Variants in KAZN observed in about 807,000 individuals in gnomAD.
KAZN encodes the protein kazrin.
Under a neutral mutation model 87.4 loss-of-function variants are expected in KAZN, and 40 were observed. That is an observed-to-expected ratio of 0.46 (90% CI 0.36 to 0.60). The LOEUF is 0.60. Among genes scored for constraint, KAZN ranks in the 20% least tolerant of loss-of-function variants. KAZN has a pLI of 0.00. For synonymous variants in KAZN, 466 were observed against 458.3 expected (o/e 1.02, Z -0.22); for missense variants, 898 against 1,073.9 (o/e 0.84, Z 2.29).
At chr1:14,701,837 C>T (rs971716771) in intron 1 of KAZN, among the ~76,000 whole-genome samples, 2 of 152,132 alleles carry the variant, frequency 1.3e-5, no homozygotes, top group African/African-American at 4.8e-5. Flanking sequence ...GTGGCACCTG[C>T]CCTTCCCTGA....
At chr1:14,414,689 A>G (rs1229667256) in intron 2 of KAZN, among the ~76,000 whole-genome samples, 1 of 152,164 alleles carries the variant, frequency 6.6e-6, no homozygotes, top group Non-Finnish European at 1.5e-5. Context: ...GGGATGATAA[A>G]CATCAATCCC....
chr1:14,536,493 G>A lies in KAZN; in HGVS notation c.250-62490G>A, dbSNP rs534126766. 2.0e-5 allele frequency among the ~76,000 whole-genome samples: 3 copies of A among 152,314 alleles called. No individual in the cohort carries two copies. The South Asian group carries it at 6.2e-4, about 32-fold the overall frequency. ...ACTGGAGTCACAGGTGGTGGCTGTT[G>A]ACATTGGGATAGGCAGGTTGAGGAG... On this transcript the variant is annotated intron_variant, in intron 2 of 16. Coordinates refer to the KAZN transcript ENST00000636203.
intron 1 of KAZN, among the ~76,000 whole-genome samples, chr1:14,609,981 G>A (rs1038703176): frequency 1.3e-5 from 2 of 152,314 alleles, no homozygotes; most frequent in African/African-American, 2.4e-5. Flanking sequence ...GCTGGGCCAC[G>A]CCCTCTTGGG....
At chr1:14,654,504 T>C (rs7530236) in intron 1 of KAZN, among the ~76,000 whole-genome samples, 9,016 of 151,982 alleles carry the variant, frequency 0.059, 344 homozygotes, top group African/African-American at 0.086. Flanking sequence ...AGGAGTTTCA[T>C]GCAAAATAGC....
chr1:14,189,952 A>G (rs938442141), intron 2 of KAZN, among the ~76,000 whole-genome samples: 2 of 152,160 alleles, frequency 1.3e-5, no homozygotes, highest in Admixed American at 1.3e-4. Context: ...TAGTTGGTCT[A>G]TTTAGAGGGC....
chr1:14,282,483 A>G (rs1026683285), intron 2 of KAZN, among the ~76,000 whole-genome samples: 1 of 152,228 alleles, frequency 6.6e-6, no homozygotes, highest in African/African-American at 2.4e-5. Context: ...AAGGGTGTTA[A>G]CATGTATCCC....
At chr1:14,753,295 G>A (rs1390829891) in intron 1 of KAZN, among the ~76,000 whole-genome samples, 1 of 152,076 alleles carries the variant, frequency 6.6e-6, no homozygotes, top group African/African-American at 2.4e-5. Flanking sequence ...AAGTTCTTTA[G>A]TGAGCACCTC....
At chr1:14,766,994 G>A (rs1009526428) in intron 1 of KAZN, among the ~76,000 whole-genome samples, 21 of 152,112 alleles carry the variant, frequency 1.4e-4, no homozygotes, top group Non-Finnish European at 2.1e-4. Context: ...GGAGTGGGAC[G>A]AGATGGATGT....
Position 14,716,853 on chromosome 1 carries a change from T to G in KAZN, c.226+117630T>G, listed in dbSNP as rs542211279. 5.3e-5 allele frequency among the ~76,000 whole-genome samples: 8 copies of G among 152,098 alleles called. No homozygotes were observed. The South Asian group carries it at 1.5e-3, about 28-fold the overall frequency. On this transcript the variant is annotated intron_variant, in intron 1 of 14. Coordinates refer to ENST00000376030, the MANE Select transcript of KAZN (RefSeq NM_201628.3). ...TGGTTTTGTTAAATCCATTTACCAG[T>G]CAAAGTTTCTATGTCAGTGTTTGTC...
intron 2 of KAZN, among the ~76,000 whole-genome samples, chr1:15,023,020 C>T (rs1014096033): frequency 6.6e-6 from 1 of 152,232 alleles, no homozygotes; most frequent in African/African-American, 2.4e-5. Flanking sequence ...CTAGAAATAG[C>T]TGAGGCCCAG....
At chr1:15,039,261 G>T (rs1557742503) in intron 3 of KAZN, among the ~76,000 whole-genome samples, 1 of 152,144 alleles carries the variant, frequency 6.6e-6, no homozygotes, top group African/African-American at 2.4e-5. Context: ...TGAGACTTAG[G>T]TAAAGTCTCA....
At chr1:15,111,047 G>A (rs968019222) in intron 13 of KAZN, among the ~76,000 whole-genome samples, 1 of 152,176 alleles carries the variant, frequency 6.6e-6, no homozygotes, top group African/African-American at 2.4e-5. Context: ...GAGCAGAGGG[G>A]CCATTCATGA....
intron 1 of KAZN, among the ~76,000 whole-genome samples, chr1:14,620,336 G>A (rs10927471): frequency 0.061 from 9,212 of 152,238 alleles, 958 homozygotes; most frequent in African/African-American, 0.21. Context: ...TATTCAATGC[G>A]TTCATTCACA....
chr1:15,090,582 C>G (rs1056597289), intron 8 of KAZN, among the ~76,000 whole-genome samples: 3 of 152,236 alleles, frequency 2.0e-5, no homozygotes, highest in Non-Finnish European at 4.4e-5. Context: ...CAGCTGCTGC[C>G]GTTTCCGCAT....
chr1:14,675,446 T>C (rs1182276689), intron 1 of KAZN, among the ~76,000 whole-genome samples: 2 of 152,186 alleles, frequency 1.3e-5, no homozygotes, highest in Non-Finnish European at 2.9e-5. Flanking sequence ...TTTTTTGCAA[T>C]GTTTGTCCTT....
chr1:13,955,770 TACATTCC>T (rs1641520850), intron 1 of KAZN, among the ~76,000 whole-genome samples: 1 of 152,216 alleles, frequency 6.6e-6, no homozygotes. Context: ...TAAAAGACAG[TACATTCC>T]TACTATGTGA....
chr1:14,109,528 C>T (rs1644451984), intron 1 of KAZN, among the ~76,000 whole-genome samples: 2 of 152,210 alleles, frequency 1.3e-5, no homozygotes, highest in Admixed American at 1.3e-4. Context: ...TATAACCTCA[C>T]TCCTTTCTTG....
At chr1:14,355,838 C>A (rs770480833) in intron 2 of KAZN, among the ~76,000 whole-genome samples, 1 of 152,102 alleles carries the variant, frequency 6.6e-6, no homozygotes, top group Non-Finnish European at 1.5e-5. Flanking sequence ...CATTGATGGG[C>A]ATTTGGGTTG....
chr1:14,686,980 G>A (rs1640992563), intron 1 of KAZN, among the ~76,000 whole-genome samples: 1 of 152,148 alleles, frequency 6.6e-6, no homozygotes. Flanking sequence ...GAGGCGGCTG[G>A]GAAACAAACC....
Sources: gnomAD v4.1 joint callset for allele counts (sites outside exome capture counted in the v4.1 genomes callset) on GRCh38, gnomAD v4.1.1 for gene constraint, MANE v1.5 for transcripts, NCBI Gene and HGNC (gene_info 2026-07-23, HGNC 2026-07-21) for gene names.